The following ESYT1 variants were observed in gnomAD, a reference collection of about 807,000 sequenced individuals.
ESYT1 encodes extended synaptotagmin 1.
In ESYT1, 116 loss-of-function variants were observed where a neutral mutation model predicts 154.2. That is an observed-to-expected ratio of 0.75 (90% confidence interval 0.65 to 0.88). The LOEUF is 0.88. ESYT1 is among the 40% of genes least tolerant of loss of function. The probability of loss-of-function intolerance (pLI) is 0.00; values close to 1 mark genes in which losing one functional copy is unlikely to be tolerated. For missense variants in ESYT1, 1,264 were observed against 1,379.3 expected (o/e 0.92, Z 1.32); for synonymous variants, 500 against 539.9 (o/e 0.93, Z 1.02).
At position 56,138,200 on chromosome 12, in the gene ESYT1, T is replaced by A; in HGVS notation, c.2265T>A (p.Asp755Glu). ...GFLDEWLTLE[D>E]VPSGRLHLRL... ...TTCCACAGTGGCTGACCCTGGAGGATGTCCCATCTGGCCGCCTGCACTTGC... is the reference window on the plus strand; with the variant it reads ...TTCCACAGTGGCTGACCCTGGAGGAAGTCCCATCTGGCCGCCTGCACTTGC... The change falls in exon 21 of 31, where the codon GAT becomes GAA. Residue 755 changes from aspartate to glutamate, a missense_variant. Transcript: ENST00000394048. The A allele has an allele frequency of 6.2e-7, 1 of 1,614,212 alleles. No individual in the cohort carries two copies. The highest frequency in any genetic ancestry group is 8.5e-7 in the Non-Finnish European group (1 of 1,180,034).
rs1413766264 is a variant in ESYT1 at position 56,136,724 on chromosome 12, C to A, written c.1633-20C>A. 2 of 1,582,726 alleles carry A rather than the reference C, an allele frequency of 1.3e-6. No homozygotes were observed. Among genetic ancestry groups the A allele is most frequent in the Non-Finnish European group, 1.7e-6 (2 of 1,163,366 alleles). ...TTTCCCCTAATCCCTTCACTACAGT[C>A]CTTCCTCCTGTGCCTGTAGGTGAAG... On this transcript the variant is annotated intron_variant, in intron 15 of 30. Transcript: ENST00000394048.
chr12:56,128,490 A>G lies in ESYT1; in HGVS notation c.171A>G (p.Ser57=), dbSNP rs765448976. 3 of 1,611,402 alleles carry G rather than the reference A, an allele frequency of 1.9e-6. No homozygotes were observed. The highest frequency in any genetic ancestry group is 2.5e-6 in the Non-Finnish European group (3 of 1,178,804). The stretch of plus-strand genomic sequence containing the variant: ...GTGAGGCCCTGGCGGTGCTGACTTC[A>G]TTCGGGAGGCGGTTGCTGGTGCTGA... The part of the protein sequence containing the change: ...AAGEALAVLT[S]FGRRLLVLIP... Residue 57 remains serine (S), a synonymous_variant, in exon 1 of 31, where the codon TCA becomes TCG. Transcript: ENST00000394048.
In ESYT1 at chr12:56,141,551, T is replaced by A. The variant is rs192743894; in HGVS notation, c.2593-734T>A. Among the ~76,000 whole-genome samples the A allele has an allele frequency of 6.2e-3, 939 of 152,186 alleles. 5 individuals are homozygous for A. Among genetic ancestry groups the A allele is most frequent in the Non-Finnish European group, 7.5e-3 (508 of 68,010 alleles). On this transcript the variant is annotated intron_variant, in intron 24 of 30. Coordinates refer to ENST00000394048, the MANE Select transcript of ESYT1 (RefSeq NM_015292.3). ...GTCAGGAGATCGAGACCATCCTGGC[T>A]AACACGGTGAAACCCTGTCTCTATT... is the stretch of plus-strand genomic sequence containing the variant.
chr12:56,131,608 CAG>C (rs749187781), intron 6 of ESYT1, 42 bp downstream of exon 6: 22 of 1,609,848 alleles, frequency 1.4e-5, no homozygotes, highest in Non-Finnish European at 1.9e-5. Context: ...GCAGGAGAAA[CAG>C]AGGACTGGGA....
intron 1 of ESYT1, 23 bp downstream of exon 1, chr12:56,128,732 CTG>C (rs1235640196): frequency 1.9e-6 from 3 of 1,611,754 alleles, no homozygotes; most frequent in East Asian, 2.2e-5. Context: ...CCTCGGTCCT[CTG>C]TGCAGCATAG....
Position 56,142,486 on chromosome 12 carries a change from G to T in ESYT1, c.2733+61G>T. ...AGGAGGGGAGGGCCTTCACAGGTGA[G>T]GGACACCCAGGAGGGTGGGAACAGA... On this transcript the variant is annotated intron_variant, in intron 25 of 30. Coordinates refer to ENST00000394048, the MANE Select transcript of ESYT1 (RefSeq NM_015292.3). This position sits in a 1 kb window ranked among gnomAD's most constrained non-coding sequence, Gnocchi z 4.1. 1.2e-6 allele frequency: 2 copies of T among 1,607,506 alleles called. No individual in the cohort carries two copies. The highest frequency in any genetic ancestry group is 1.7e-6 in the Non-Finnish European group (2 of 1,175,408).
intron 24 of ESYT1, among the ~76,000 whole-genome samples, chr12:56,141,423 T>C (rs1870678096): frequency 6.6e-6 from 1 of 152,264 alleles, no homozygotes; most frequent in African/African-American, 2.4e-5. Context: ...GTTTTCTGTA[T>C]GCTGTAGGTA....
In ESYT1 at chr12:56,143,918, C is replaced by A; in HGVS notation, c.*56C>A. On this transcript the variant is annotated 3_prime_UTR_variant, in exon 31 of 31. Transcript: ENST00000394048. ...TCTTCCTGCCTTCGTCTCGCTCCAT[C>A]ACCGCCTCAATGTGATGAGCCTAAA... is the stretch of plus-strand genomic sequence containing the variant. 1.9e-6 allele frequency: 3 copies of A among 1,612,086 alleles called. No homozygotes were observed. In the South Asian group the frequency reaches 3.3e-5, roughly 18 times the overall value.
chr12:56,129,876 G>C (rs934705982), intron 1 of ESYT1, among the ~76,000 whole-genome samples: 4 of 151,944 alleles, frequency 2.6e-5, no homozygotes, highest in Non-Finnish European at 4.4e-5. Flanking sequence ...TCCTGCTCTA[G>C]AAGCCCCGTC....
chr12:56,142,480 A>AG lies in ESYT1; in HGVS notation c.2733+57dup. On this transcript the variant is annotated intron_variant, in intron 25 of 30. Coordinates refer to ENST00000394048, the MANE Select transcript of ESYT1 (RefSeq NM_015292.3). This position sits in a 1 kb window ranked among gnomAD's most constrained non-coding sequence, Gnocchi z 4.1. ...AGAGGGAGGAGGGGAGGGCCTTCAC[A>AG]GGTGAGGGACACCCAGGAGGGTGGG... 6.2e-7 allele frequency: 1 copy of AG among 1,606,746 alleles called. No individual in the cohort carries two copies. The highest frequency in any genetic ancestry group is 8.5e-7 in the Non-Finnish European group (1 of 1,174,690).
intron 20 of ESYT1, 28 bp from the exon 21 acceptor site, chr12:56,138,155 C>G: frequency 6.2e-7 from 1 of 1,613,896 alleles, no homozygotes; most frequent in Non-Finnish European, 8.5e-7. Context: ...TGCATATCCC[C>G]AAGTCTTCAC....
chr12:56,133,390 A>T lies in ESYT1; in HGVS notation c.1245-27A>T, dbSNP rs754811317. 8 of 1,613,862 alleles carry T rather than the reference A, an allele frequency of 5.0e-6. No individual in the cohort carries two copies. In the African/African-American group the frequency reaches 8.0e-5, roughly 16 times the overall value. Reference sequence around the variant, plus strand: ...ACAACACTACCCTTTTCTTCCTTTCACTACCCTCTCCCCCGCCAACCCTCA... The same window carrying T: ...ACAACACTACCCTTTTCTTCCTTTCTCTACCCTCTCCCCCGCCAACCCTCA... On this transcript the variant is annotated intron_variant, in intron 10 of 30. Coordinates refer to ENST00000394048, the MANE Select transcript of ESYT1 (RefSeq NM_015292.3).
chr12:56,138,706 T>C lies in ESYT1; in HGVS notation c.2434-62T>C, dbSNP rs1411872834. On this transcript the variant is annotated intron_variant, in intron 22 of 30. Transcript: ENST00000394048. The stretch of plus-strand genomic sequence containing the variant: ...CATGGCTGCTGGCTGTGGATATAAT[T>C]TGTGAGGGGGATCTGCCTAACTAGG... The C allele has an allele frequency of 6.0e-6, 9 of 1,507,772 alleles. No homozygotes were observed. In the East Asian group the frequency reaches 2.0e-4, roughly 34 times the overall value. The allele number at this position is 1,507,772 out of a possible 1,614,324, so 93.4% of individuals were successfully genotyped here.
At chr12:56,131,344 T>A in intron 5 of ESYT1, 28 bp downstream of exon 5, 1 of 1,613,714 alleles carries the variant, frequency 6.2e-7, no homozygotes, top group Non-Finnish European at 8.5e-7. Flanking sequence ...GGCCACATAA[T>A]AGGGAATGTT....
At chr12:56,134,498 C>T in intron 15 of ESYT1, 70 bp downstream of exon 15, 2 of 1,308,528 alleles carry the variant, frequency 1.5e-6, no homozygotes, top group Non-Finnish European at 2.2e-6. Flanking sequence ...ACCATTTCTC[C>T]TCTCCTTCTT....
chr12:56,143,232 G>A lies in ESYT1; in HGVS notation c.3124G>A (p.Glu1042Lys), dbSNP rs1870786450. Reference sequence around the variant, plus strand: ...TAACATCCAGTCCTACCCCAGGTTTGAGTGGGAACTCCCCCTGGATGAGGC... The same window carrying A: ...TAACATCCAGTCCTACCCCAGGTTTAAGTGGGAACTCCCCCTGGATGAGGC... ...TLSPEFNERF[E>K]WELPLDEAQR... Residue 1042 changes from glutamate (E) to lysine (K), a missense_variant, in exon 29 of 31, where the codon GAG becomes AAG. By Grantham distance (56) the Glu-to-Lys change is moderately conservative. Transcript: ENST00000394048. The A allele has an allele frequency of 1.2e-6, 2 of 1,614,166 alleles. No homozygotes were observed. Among genetic ancestry groups the A allele is most frequent in the East Asian group, 2.2e-5 (1 of 44,886 alleles).
Position 56,142,534 on chromosome 12 carries a change from G to T in ESYT1, c.2734-44G>T. On this transcript the variant is annotated intron_variant, in intron 25 of 30. Coordinates refer to ENST00000394048, the MANE Select transcript of ESYT1 (RefSeq NM_015292.3). The surrounding 1 kb of genome is among the most constrained non-coding windows in gnomAD (Gnocchi z 4.1). ...AGAGGGCCGTGTCCTTAGAGTGAGGGAACTGAGAGAACTCTGCCCAGCTCA... is the reference window on the plus strand; with the variant it reads ...AGAGGGCCGTGTCCTTAGAGTGAGGTAACTGAGAGAACTCTGCCCAGCTCA... The T allele has an allele frequency of 6.2e-7, 1 of 1,613,616 alleles. No homozygotes were observed.
intron 24 of ESYT1, 63 bp downstream of exon 24, chr12:56,139,076 G>A: frequency 1.6e-6 from 2 of 1,269,982 alleles, no homozygotes; most frequent in Non-Finnish European, 2.3e-6. Flanking sequence ...AGGAAACCAG[G>A]CACAGAGCAT....
intron 15 of ESYT1, 131 bp downstream of exon 15, chr12:56,134,559 G>A (rs1208084278): frequency 1.1e-5 from 8 of 750,514 alleles, no homozygotes; most frequent in Non-Finnish European, 1.6e-5. Flanking sequence ...CCACCTCCCT[G>A]AATATCTCTC....
Sources: gnomAD v4.1 joint callset for allele counts (sites outside exome capture counted in the v4.1 genomes callset) on GRCh38, gnomAD v4.1.1 for gene constraint, Gnocchi (gnomAD v3.1) non-coding constraint, MANE v1.5 for transcripts, NCBI Gene and HGNC (gene_info 2026-07-23, HGNC 2026-07-21) for gene names.